The following MEIG1 variants were observed in gnomAD, a reference collection of about 807,000 sequenced individuals.
MEIG1 encodes the protein meiosis expressed gene 1 protein homolog.
In MEIG1, 12 loss-of-function variants were observed where a neutral mutation model predicts 11.3. The observed-to-expected ratio is 1.07, with a 90% CI of 0.68 to 1.73. The LOEUF (loss-of-function observed/expected upper bound fraction) is 1.73. Among genes scored for constraint, MEIG1 ranks in the 40% most tolerant of loss-of-function variants. MEIG1 has a pLI of 0.00. For missense variants in MEIG1, 119 were observed against 104.9 expected (o/e 1.13, Z -0.59); for synonymous variants, 41 against 33.2 (o/e 1.24, Z -0.81).
downstream of MEIG1, among the ~76,000 whole-genome samples, chr10:14,973,685 G>T (rs1843176704): frequency 7.1e-6 from 1 of 141,560 alleles, no homozygotes; most frequent in Admixed American, 7.9e-5. Context: ...CAGGAGAATG[G>T]TGTGAACCCA....
chr10:14,968,448 A>T (rs1183461493), intron 2 of MEIG1, among the ~76,000 whole-genome samples: 1 of 152,178 alleles, frequency 6.6e-6, no homozygotes, highest in African/African-American at 2.4e-5. Context: ...AGATCACACC[A>T]TTACACTACA....
chr10:14,957,867 C>T (rs1372069296), upstream of MEIG1, among the ~76,000 whole-genome samples: 2 of 152,198 alleles, frequency 1.3e-5, no homozygotes, highest in East Asian at 1.9e-4. Flanking sequence ...AGGCTGGTCT[C>T]GAACTCCTGA....
intron 2 of MEIG1, 102 bp from the exon 3 acceptor site, chr10:14,972,411 C>A (rs1843161903): frequency 1.4e-6 from 2 of 1,458,736 alleles, no homozygotes; most frequent in Non-Finnish European, 1.9e-6. Flanking sequence ...TAATCTTATA[C>A]TTTGTTTCTG....
downstream of MEIG1, among the ~76,000 whole-genome samples, chr10:14,973,760 A>C (rs1843177556): frequency 8.0e-6 from 1 of 125,194 alleles, no homozygotes; most frequent in Non-Finnish European, 1.7e-5. Context: ...ACAGAGGGAG[A>C]CTCCATCTCA....
Position 14,972,589 on chromosome 10 carries a change from A to G in MEIG1, c.215A>G (p.Gln72Arg), listed in dbSNP as rs769060358. 1.2e-6 allele frequency: 2 copies of G among 1,613,690 alleles called. No individual in the cohort carries two copies. Among genetic ancestry groups the G allele is most frequent in the South Asian group, 2.2e-5 (2 of 90,844 alleles). ...AATACGTTCTATTACTACAACAAAC[A>G]GAGGGAATGTGATGACAAAGAAGTC... ...RDNTFYYYNKQRECDDKEVHK... is the reference protein window; with the variant it reads ...RDNTFYYYNKRRECDDKEVHK... The change falls in exon 3 of 3, where the codon CAG (glutamine) becomes CGG (arginine). Residue 72 changes from glutamine (Q) to arginine (R), a missense_variant. By Grantham distance (43) the Gln-to-Arg change is conservative (BLOSUM62 1). Coordinates refer to ENST00000407572, the MANE Select transcript of MEIG1 (RefSeq NM_001080836.3).
upstream of MEIG1, among the ~76,000 whole-genome samples, chr10:14,954,693 CTTT>C (rs1450726521): frequency 1.3e-5 from 2 of 152,126 alleles, no homozygotes; most frequent in East Asian, 3.9e-4. Context: ...GGGCCCCCAC[CTTT>C]TTGAGCTATA....
At chr10:14,962,762 ATTTTT>A (rs200912748) in intron 1 of MEIG1, among the ~76,000 whole-genome samples, 1 of 146,332 alleles carries the variant, frequency 6.8e-6, no homozygotes, top group African/African-American at 2.5e-5. Flanking sequence ...CTAATTTGGA[ATTTTT>A]TTTTTTTTTC....
intron 1 of MEIG1, among the ~76,000 whole-genome samples, chr10:14,980,917 T>C (rs1176990427): frequency 2.6e-5 from 4 of 152,260 alleles, no homozygotes; most frequent in Admixed American, 6.5e-5. Context: ...CCCAACAATG[T>C]GGACGGGTTA....
chr10:14,960,288 T>C (rs1201714652), intron 1 of MEIG1, among the ~76,000 whole-genome samples: 4 of 152,220 alleles, frequency 2.6e-5, no homozygotes, highest in African/African-American at 9.6e-5. Context: ...GAAGTTTTAA[T>C]ACTACTAAAA....
At chr10:14,985,710 C>T (rs976867676) in intron 1 of MEIG1, among the ~76,000 whole-genome samples, 6 of 151,920 alleles carry the variant, frequency 3.9e-5, no homozygotes, top group East Asian at 3.9e-4. Flanking sequence ...CACCTTGTGA[C>T]GTGATCTGCA....
At chr10:14,985,977 A>C (rs1589216907) in intron 1 of MEIG1, among the ~76,000 whole-genome samples, 1 of 152,058 alleles carries the variant, frequency 6.6e-6, no homozygotes, top group East Asian at 1.9e-4. Context: ...CACAGTGTGC[A>C]CACCCTGTGA....
chr10:14,975,378 G>C (rs1843199103), downstream of MEIG1, among the ~76,000 whole-genome samples: 1 of 152,120 alleles, frequency 6.6e-6, no homozygotes, highest in African/African-American at 2.4e-5. Flanking sequence ...TATCCATGGA[G>C]AGGAGAGGCT....
intron 1 of MEIG1, among the ~76,000 whole-genome samples, chr10:14,960,213 C>T (rs1434837530): frequency 6.6e-6 from 1 of 152,162 alleles, no homozygotes; most frequent in Non-Finnish European, 1.5e-5. Flanking sequence ...CTCCTGCTGC[C>T]TCTTAAGAAC....
upstream of MEIG1, among the ~76,000 whole-genome samples, chr10:14,954,797 G>C (rs1329447058): frequency 6.6e-6 from 1 of 151,904 alleles, no homozygotes; most frequent in Non-Finnish European, 1.5e-5. Context: ...TTTATGAAAA[G>C]GTTTGTTAAA....
At chr10:14,981,356 C>T (rs1386126530) in intron 1 of MEIG1, among the ~76,000 whole-genome samples, 1 of 152,036 alleles carries the variant, frequency 6.6e-6, no homozygotes, top group African/African-American at 2.4e-5. Flanking sequence ...GAGAGACTGG[C>T]TCTCAGCTTG....
chr10:14,961,798 TATTTA>T (rs1170664968), intron 1 of MEIG1, among the ~76,000 whole-genome samples: 2 of 151,608 alleles, frequency 1.3e-5, no homozygotes, highest in South Asian at 2.1e-4. Flanking sequence ...TATTTTTATT[TATTTA>T]TTTTTTTAAC....
intron 1 of MEIG1, among the ~76,000 whole-genome samples, chr10:14,979,508 T>G (rs971273417): frequency 6.6e-6 from 1 of 151,978 alleles, no homozygotes; most frequent in Non-Finnish European, 1.5e-5. Flanking sequence ...GGGAGGATGT[T>G]ACTCCCAACG....
intron 1 of MEIG1, among the ~76,000 whole-genome samples, chr10:14,964,255 T>C (rs537518595): frequency 6.6e-6 from 1 of 152,210 alleles, no homozygotes; most frequent in African/African-American, 2.4e-5. Flanking sequence ...CTAACAGTCT[T>C]CATTATCTTT....
intron 1 of MEIG1, among the ~76,000 whole-genome samples, chr10:14,980,051 C>A (rs554784886): frequency 3.3e-4 from 50 of 151,658 alleles, no homozygotes; most frequent in Non-Finnish European, 6.2e-4. Flanking sequence ...TGTGTGCACG[C>A]CGTGATATTA....
Sources: gnomAD v4.1 joint callset for allele counts (sites outside exome capture counted in the v4.1 genomes callset) on GRCh38, gnomAD v4.1.1 for gene constraint, MANE v1.5 for transcripts, NCBI Gene and HGNC (gene_info 2026-07-23, HGNC 2026-07-21) for gene names.